Variants in ZBTB43 observed in about 807,000 individuals in gnomAD.
The protein encoded by ZBTB43 is zinc finger and BTB domain-containing protein 43.
ZBTB43 carries 6 observed loss-of-function variants against 31.1 expected under a neutral mutation model. That is an observed-to-expected ratio of 0.19 (90% confidence interval 0.11 to 0.38). ZBTB43 has a LOEUF of 0.38. ZBTB43 is among the 10% of genes least tolerant of loss of function. The pLI is 1.00. For missense variants in ZBTB43, 379 were observed against 602.1 expected, an observed-to-expected ratio of 0.63 and a Z score of 3.88; for synonymous variants, 212 against 221.7, an observed-to-expected ratio of 0.96 and a Z score of 0.39.
intron 2 of ZBTB43, among the ~76,000 whole-genome samples, chr9:126,826,099 C>T (rs1282189023): frequency 3.3e-5 from 5 of 150,290 alleles, no homozygotes; most frequent in African/African-American, 1.2e-4. Context: ...CTGCAACCTC[C>T]ACCTCCCGGG....
intron 1 of ZBTB43, among the ~76,000 whole-genome samples, chr9:126,807,336 TAAG>T (rs893043559): frequency 3.0e-4 from 46 of 152,284 alleles, no homozygotes; most frequent in South Asian, 2.5e-3. Flanking sequence ...AAAGGAAAAA[TAAG>T]AACACATTGG....
rs146194518 is a variant in ZBTB43 at position 126,825,161 on chromosome 9, G to A, written c.-23-7326G>A. ...TCACTATGTTGCCCAGGCTGGTCTC[G>A]AACTCCTGGGCTCAAGTGATCCTCC... On this transcript the variant is annotated intron_variant, in intron 2 of 2. Coordinates refer to ENST00000373464, the MANE Select transcript of ZBTB43 (RefSeq NM_014007.4). Among the ~76,000 whole-genome samples, 739 of 151,882 alleles carry A rather than the reference G, an allele frequency of 4.9e-3. 4 individuals are homozygous for A. Among genetic ancestry groups the A allele is most frequent in the African/African-American group, 0.016 (667 of 41,440 alleles).
chr9:126,807,274 T>C (rs1195682184), intron 1 of ZBTB43, among the ~76,000 whole-genome samples: 1 of 152,246 alleles, frequency 6.6e-6, no homozygotes, highest in Non-Finnish European at 1.5e-5. Flanking sequence ...AAAACACTTT[T>C]AGACTTAGAC....
chr9:126,827,254 T>A (rs932167359), intron 2 of ZBTB43, among the ~76,000 whole-genome samples: 2 of 152,202 alleles, frequency 1.3e-5, no homozygotes, highest in African/African-American at 4.8e-5. Flanking sequence ...TGTAGGTGTT[T>A]TAAATCTTGT....
At chr9:126,816,320 G>A (rs1175623505) in intron 2 of ZBTB43, among the ~76,000 whole-genome samples, 1 of 152,024 alleles carries the variant, frequency 6.6e-6, no homozygotes, top group Non-Finnish European at 1.5e-5. Context: ...CTTATTGCCT[G>A]TGTAAATTTC....
At chr9:126,810,735 C>T (rs2032229158) in intron 2 of ZBTB43, among the ~76,000 whole-genome samples, 1 of 151,040 alleles carries the variant, frequency 6.6e-6, no homozygotes, top group South Asian at 2.1e-4. Context: ...CATCTTTTGA[C>T]CTGGTGATCC....
chr9:126,825,234 C>G (rs2032605470), intron 2 of ZBTB43, among the ~76,000 whole-genome samples: 1 of 152,136 alleles, frequency 6.6e-6, no homozygotes, highest in Non-Finnish European at 1.5e-5. Flanking sequence ...AGCAACTGTG[C>G]CCAGCCCATT....
chr9:126,814,302 A>C (rs2032316916), intron 2 of ZBTB43, among the ~76,000 whole-genome samples: 1 of 152,128 alleles, frequency 6.6e-6, no homozygotes, highest in Non-Finnish European at 1.5e-5. Flanking sequence ...TAAAATTTTT[A>C]CAGATGAAAT....
intron 2 of ZBTB43, among the ~76,000 whole-genome samples, chr9:126,812,906 T>C (rs186200184): frequency 8.7e-4 from 132 of 152,308 alleles, no homozygotes; most frequent in Non-Finnish European, 1.3e-3. Flanking sequence ...CTTGTACTAC[T>C]GCTGTATCTT....
In ZBTB43 at chr9:126,834,441, G is replaced by A; in HGVS notation, c.*528G>A. The stretch of plus-strand genomic sequence containing the variant: ...AACAGAGCTCTGTTGTCTGGTTTTA[G>A]TCTTTCTAAAGGATATTTTAACTAA... On this transcript the variant is annotated 3_prime_UTR_variant, in exon 3 of 3. Transcript: ENST00000373464. The A allele has an allele frequency of 6.0e-6, 1 of 167,486 alleles. No homozygotes were observed. The allele number at this position is 167,486 out of a possible 1,614,324, so 10.4% of individuals were successfully genotyped here.
intron 2 of ZBTB43, among the ~76,000 whole-genome samples, chr9:126,820,786 A>G (rs1470636850): frequency 6.6e-6 from 1 of 151,772 alleles, no homozygotes; most frequent in Non-Finnish European, 1.5e-5. Flanking sequence ...TGAGCAGCAT[A>G]CAAAACCCTA....
intron 2 of ZBTB43, among the ~76,000 whole-genome samples, chr9:126,825,438 T>C (rs2032609686): frequency 6.6e-6 from 1 of 152,162 alleles, no homozygotes; most frequent in Admixed American, 6.5e-5. Context: ...GCTTAAACAA[T>C]GGAAATGTAT....
upstream of ZBTB43, among the ~76,000 whole-genome samples, chr9:126,804,280 T>C (rs958077173): frequency 5.9e-5 from 9 of 152,118 alleles, no homozygotes; most frequent in African/African-American, 1.9e-4. Context: ...GTGACCCCAG[T>C]GCCCAGCACA....
intron 2 of ZBTB43, among the ~76,000 whole-genome samples, chr9:126,817,477 GTTT>G (rs373778326): frequency 7.8e-6 from 1 of 127,722 alleles, no homozygotes; most frequent in Admixed American, 7.9e-5. Flanking sequence ...GTTCCATGAA[GTTT>G]TTTTTTTTTT....
At chr9:126,828,654 A>ATTATTATTATTATTATTATT (rs1554742745) in intron 2 of ZBTB43, among the ~76,000 whole-genome samples, 13 of 127,724 alleles carry the variant, frequency 1.0e-4, no homozygotes, top group African/African-American at 4.1e-4. Flanking sequence ...TAATAATAAT[A>ATTATTATTATTATTATTATT]ATTATTATTA....
intron 2 of ZBTB43, among the ~76,000 whole-genome samples, chr9:126,817,100 CTTTTTTTTTTT>C (rs780632905): frequency 1.1e-3 from 60 of 55,368 alleles, no homozygotes; most frequent in Non-Finnish European, 1.4e-3. Context: ...TCCACTGTAT[CTTTTTTTTTTT>C]TTTTTTTTTT....
rs192549278 is a variant in ZBTB43, at chr9:126,829,820, C to T, written c.-23-2667C>T. ...GAGATCTAGCAGAGAATCTGTTCACCCAGATGTAGTTTCCAGAATTTACAT... is the reference window on the plus strand; with the variant it reads ...GAGATCTAGCAGAGAATCTGTTCACTCAGATGTAGTTTCCAGAATTTACAT... On this transcript the variant is annotated intron_variant, in intron 2 of 2. Transcript: ENST00000373464. Among the ~76,000 whole-genome samples the T allele has an allele frequency of 1.6e-3, 244 of 152,112 alleles. 1 individual carries two copies. The highest frequency in any genetic ancestry group is 5.8e-3 in the African/African-American group (239 of 41,488).
chr9:126,820,138 A>G (rs1024951444), intron 2 of ZBTB43, among the ~76,000 whole-genome samples: 1 of 152,274 alleles, frequency 6.6e-6, no homozygotes, highest in African/African-American at 2.4e-5. Flanking sequence ...ATAGCAAGCT[A>G]TCTAGAAAAT....
chr9:126,812,859 G>A (rs1422081769), intron 2 of ZBTB43, among the ~76,000 whole-genome samples: 2 of 152,028 alleles, frequency 1.3e-5, no homozygotes, highest in Admixed American at 6.6e-5. Flanking sequence ...CTATTCTGTG[G>A]GTTGTGTGTT....
Sources: allele counts gnomAD v4.1 joint callset (sites outside exome capture counted in the v4.1 genomes callset), GRCh38; gene constraint gnomAD v4.1.1; transcripts MANE v1.5; gene names NCBI Gene and HGNC (gene_info 2026-07-23, HGNC 2026-07-21).